P2RY14: variants seen among roughly 807,000 people sequenced by gnomAD.
P2RY14 encodes purinergic receptor P2Y14, also known as P2Y purinoceptor 14.
In P2RY14, 2 loss-of-function variants were observed where a neutral mutation model predicts 0.9. That is an observed-to-expected ratio of 2.16 (90% CI 0.88 to 6.79). The LOEUF (loss-of-function observed/expected upper bound fraction) is 6.79, where lower values mean the gene tolerates loss of function less well. Among genes scored for constraint, P2RY14 ranks in the 30% most tolerant of loss-of-function variants. The pLI, the probability that P2RY14 is intolerant of heterozygous loss-of-function variation, is 0.05. For synonymous variants in P2RY14, 158 were observed against 147.2 expected (o/e 1.07, Z -0.53); for missense variants, 378 against 400.1 (o/e 0.94, Z 0.47).
chr3:151,215,504 T>G (rs1728033404), intron 2 of P2RY14, among the ~76,000 whole-genome samples: 1 of 152,236 alleles, frequency 6.6e-6, no homozygotes, highest in African/African-American at 2.4e-5. Flanking sequence ...TAGGAAATTT[T>G]AAATTACATA....
At chr3:151,244,361 T>C (rs1308690292) in intron 1 of P2RY14, among the ~76,000 whole-genome samples, 2 of 127,154 alleles carry the variant, frequency 1.6e-5, no homozygotes, top group Non-Finnish European at 1.8e-5. Context: ...GACCACATAC[T>C]TGGATGTAAA....
At chr3:151,219,758 C>T (rs148689525) in intron 1 of P2RY14, 116 bp from the exon 2 acceptor site, 1 of 152,122 alleles carries the variant, frequency 6.6e-6, no homozygotes, top group East Asian at 1.9e-4. Flanking sequence ...AATATTTCAA[C>T]ATGTGCATTT....
intron 1 of P2RY14, among the ~76,000 whole-genome samples, chr3:151,220,962 C>G (rs1329155497): frequency 6.6e-6 from 1 of 152,128 alleles, no homozygotes; most frequent in Non-Finnish European, 1.5e-5. Flanking sequence ...TTTGGAACTT[C>G]CTAGAGACTT....
At chr3:151,225,593 C>T (rs7649855) in intron 1 of P2RY14, among the ~76,000 whole-genome samples, 1 of 152,014 alleles carries the variant, frequency 6.6e-6, no homozygotes, top group Non-Finnish European at 1.5e-5. Flanking sequence ...AATTTTGAAA[C>T]GGACACTCAA....
chr3:151,269,276 T>C (rs1740414292), intron 1 of P2RY14, among the ~76,000 whole-genome samples: 2 of 152,096 alleles, frequency 1.3e-5, no homozygotes, highest in Admixed American at 6.5e-5. Flanking sequence ...GGTGCATGCC[T>C]GTAATCCCAG....
At chr3:151,269,771 T>G in intron 1 of P2RY14, 1 of 424,542 alleles carries the variant, frequency 2.4e-6, no homozygotes, top group South Asian at 1.8e-5. Context: ...GGTGATCTAT[T>G]TTTAGAGTCC....
intron 1 of P2RY14, among the ~76,000 whole-genome samples, chr3:151,275,301 T>G (rs1259362665): frequency 6.6e-6 from 1 of 152,134 alleles, no homozygotes; most frequent in Non-Finnish European, 1.5e-5. Flanking sequence ...TTTTCTTTGG[T>G]ATCTTAACCT....
intron 1 of P2RY14, among the ~76,000 whole-genome samples, chr3:151,224,423 C>T (rs1394061246): frequency 6.6e-6 from 1 of 150,724 alleles, no homozygotes; most frequent in East Asian, 1.9e-4. Flanking sequence ...CTGCTTTAAT[C>T]TCTCATGCCT....
intron 2 of P2RY14, among the ~76,000 whole-genome samples, chr3:151,217,229 T>C (rs1728413526): frequency 6.6e-6 from 1 of 152,150 alleles, no homozygotes; most frequent in South Asian, 2.1e-4. Flanking sequence ...ATCCCAGAAA[T>C]GATTTAATGA....
rs1420354246 is a variant in P2RY14, at chr3:151,245,475, C to A, written c.-132-25833G>T. On this transcript the variant is annotated intron_variant, in intron 1 of 2. Transcript: ENST00000309170. ...CAAGGCTGGTTCAATATACACAAATCAATAAATGTAATCCAGCATATAAAC... is the reference window on the plus strand; with the variant it reads ...CAAGGCTGGTTCAATATACACAAATAAATAAATGTAATCCAGCATATAAAC... Among the ~76,000 whole-genome samples, 7 of 139,436 alleles carry A rather than the reference C, an allele frequency of 5.0e-5. No individual in the cohort carries two copies. The Admixed American group carries it at 5.1e-4, about 10-fold the overall frequency. The allele number at this position is 139,436 out of a possible 152,430, so 91.5% of individuals were successfully genotyped here.
chr3:151,270,388 C>G (rs1251551628), intron 1 of P2RY14, among the ~76,000 whole-genome samples: 1 of 152,008 alleles, frequency 6.6e-6, no homozygotes, highest in African/African-American at 2.4e-5. Flanking sequence ...ATTTTTATCC[C>G]TTCTTGTCTG....
At position 151,213,683 on chromosome 3, in the gene P2RY14, T is replaced by C; in HGVS notation, c.634A>G (p.Lys212Glu). Residue 212 changes from lysine (K) to glutamate (E), a missense_variant, in exon 3 of 3, where the codon AAA becomes GAA. Coordinates refer to ENST00000309170, the MANE Select transcript of P2RY14 (RefSeq NM_014879.4). ...GACTTAAGGTGGGACTTAAAGATTT[T>C]CTTTGTGATAGCAGTATAGAAAACG... ...LIVFYTAITK[K>E]IFKSHLKSSR... 1 of 1,614,192 alleles carries C rather than the reference T, an allele frequency of 6.2e-7. No homozygotes were observed. Among genetic ancestry groups the C allele is most frequent in the East Asian group, 2.2e-5 (1 of 44,894 alleles).
intron 1 of P2RY14, among the ~76,000 whole-genome samples, chr3:151,262,862 C>T (rs561886448): frequency 2.0e-5 from 3 of 152,222 alleles, no homozygotes; most frequent in Admixed American, 6.5e-5. Flanking sequence ...GTCCTGTTAA[C>T]GTCTCCTCAG....
At chr3:151,239,841 A>G (rs1250834302) in intron 1 of P2RY14, among the ~76,000 whole-genome samples, 1 of 152,234 alleles carries the variant, frequency 6.6e-6, no homozygotes. Flanking sequence ...TGGACTGTCT[A>G]TAAATATCAA....
chr3:151,241,182 G>C (rs148075757), intron 1 of P2RY14, among the ~76,000 whole-genome samples: 59 of 152,276 alleles, frequency 3.9e-4, no homozygotes, highest in East Asian at 1.9e-3. Flanking sequence ...TTTGGCATCT[G>C]GGATTGCCTT....
chr3:151,263,533 C>CA (rs2149510731), intron 1 of P2RY14, among the ~76,000 whole-genome samples: 1 of 152,232 alleles, frequency 6.6e-6, no homozygotes, highest in South Asian at 2.1e-4. Context: ...ATCAACTTTC[C>CA]AAAATATCAT....
chr3:151,214,695 A>C (rs1361054305), intron 2 of P2RY14, among the ~76,000 whole-genome samples: 2 of 152,076 alleles, frequency 1.3e-5, no homozygotes, highest in Non-Finnish European at 2.9e-5. Flanking sequence ...AAACTGGAGC[A>C]GCAGGGCAGT....
intron 1 of P2RY14, among the ~76,000 whole-genome samples, chr3:151,244,764 A>G (rs1734996250): frequency 6.6e-6 from 1 of 152,106 alleles, no homozygotes; most frequent in Admixed American, 6.6e-5. Context: ...AAATAACTAA[A>G]ATCGGAGCAG....
In P2RY14 at chr3:151,247,278, A is replaced by G. The variant is rs1269323947; in HGVS notation, c.-132-27636T>C. Among the ~76,000 whole-genome samples the G allele has an allele frequency of 3.9e-5, 6 of 152,142 alleles. No homozygotes were observed. In the South Asian group the frequency reaches 1.2e-3, roughly 32 times the overall value. On this transcript the variant is annotated intron_variant, in intron 1 of 2. Transcript: ENST00000309170. ...CCATTACTGGGTATATACCCAAAGG[A>G]TTATAAATCATGCTGCTATAAAGAC...
Sources: gnomAD v4.1 joint callset for allele counts (sites outside exome capture counted in the v4.1 genomes callset) on GRCh38, gnomAD v4.1.1 for gene constraint, MANE v1.5 for transcripts, NCBI Gene and HGNC (gene_info 2026-07-23, HGNC 2026-07-21) for gene names.